Variants in RAD51B observed in about 807,000 individuals in gnomAD.
The protein encoded by RAD51B is DNA repair protein RAD51 homolog 2.
A neutral mutation model predicts 42.2 loss-of-function variants in RAD51B; 38 were observed. That is an observed-to-expected ratio of 0.90 (90% CI 0.70 to 1.18). The LOEUF is 1.18. Ranked by LOEUF, RAD51B falls within the 50% of genes most tolerant of loss-of-function variation. RAD51B has a pLI of 0.00. For synonymous variants in RAD51B, 154 were observed against 145.2 expected (o/e 1.06, Z -0.43); for missense variants, 373 against 400.7 (o/e 0.93, Z 0.59).
chr14:68,471,781 A>G (rs1437781152), intron 10 of RAD51B, among the ~76,000 whole-genome samples: 2 of 151,702 alleles, frequency 1.3e-5, no homozygotes, highest in Admixed American at 1.3e-4. Flanking sequence ...GGCCATTAAC[A>G]TGGTAATACC....
chr14:68,273,874 G>A (rs954881263), intron 7 of RAD51B, among the ~76,000 whole-genome samples: 1 of 151,938 alleles, frequency 6.6e-6, no homozygotes, highest in Non-Finnish European at 1.5e-5. Context: ...AAATTTTTTA[G>A]CTGACAGACT....
chr14:68,336,012 G>T (rs1009650315), intron 8 of RAD51B, among the ~76,000 whole-genome samples: 2 of 152,172 alleles, frequency 1.3e-5, no homozygotes, highest in African/African-American at 4.8e-5. Flanking sequence ...ACTTCCAGCT[G>T]TTTTATCTTG....
At chr14:68,139,993 A>G (rs991548783) in intron 7 of RAD51B, among the ~76,000 whole-genome samples, 1 of 152,110 alleles carries the variant, frequency 6.6e-6, no homozygotes, top group Non-Finnish European at 1.5e-5. Flanking sequence ...CTTCCTGCTA[A>G]TTTGGGGAGC....
intron 7 of RAD51B, among the ~76,000 whole-genome samples, chr14:67,972,009 G>A (rs1364690471): frequency 1.3e-5 from 2 of 149,864 alleles, no homozygotes; most frequent in Admixed American, 6.7e-5. Context: ...TTTTGTGGGG[G>A]CACAAAAATA....
At chr14:68,279,083 T>C (rs1347333086) in intron 7 of RAD51B, among the ~76,000 whole-genome samples, 1 of 152,178 alleles carries the variant, frequency 6.6e-6, no homozygotes, top group Admixed American at 6.5e-5. Context: ...CCCTTTAATT[T>C]TGCAATAAAC....
intron 8 of RAD51B, among the ~76,000 whole-genome samples, chr14:68,332,459 G>A (rs932203646): frequency 1.3e-5 from 2 of 152,200 alleles, no homozygotes; most frequent in Non-Finnish European, 2.9e-5. Flanking sequence ...AGGAGAATAA[G>A]CTCCCTTTCA....
At chr14:68,256,482 G>T (rs1237285437) in intron 7 of RAD51B, among the ~76,000 whole-genome samples, 1 of 152,074 alleles carries the variant, frequency 6.6e-6, no homozygotes, top group Non-Finnish European at 1.5e-5. Context: ...TGGCTTTTAG[G>T]TCCTTCCATG....
At chr14:67,909,424 C>G (rs1383358399) in intron 7 of RAD51B, among the ~76,000 whole-genome samples, 2 of 152,146 alleles carry the variant, frequency 1.3e-5, no homozygotes, top group Non-Finnish European at 2.9e-5. Flanking sequence ...TTTGGAGGAA[C>G]AATTTGACAA....
chr14:68,648,207 C>T (rs747330437), intron 10 of RAD51B, among the ~76,000 whole-genome samples: 3 of 144,704 alleles, frequency 2.1e-5, no homozygotes, highest in East Asian at 4.2e-4. Context: ...AATTCGAACC[C>T]GCATGTGTGT....
chr14:68,221,404 G>A (rs1029403685), intron 7 of RAD51B, among the ~76,000 whole-genome samples: 2 of 152,086 alleles, frequency 1.3e-5, no homozygotes, highest in African/African-American at 2.4e-5. Flanking sequence ...ACAGCCAACC[G>A]ATCTTTGACA....
intron 7 of RAD51B, among the ~76,000 whole-genome samples, chr14:68,221,486 A>C (rs1373326625): frequency 6.6e-6 from 1 of 152,248 alleles, no homozygotes; most frequent in African/African-American, 2.4e-5. Flanking sequence ...TTGGCAAGCC[A>C]CATGTAGGAG....
chr14:67,873,064 G>T (rs1468944496), intron 5 of RAD51B, among the ~76,000 whole-genome samples: 1 of 152,138 alleles, frequency 6.6e-6, no homozygotes, highest in East Asian at 1.9e-4. Flanking sequence ...TAAAGCAATG[G>T]CAACAAAAGC....
chr14:67,908,715 T>C (rs975517724), intron 7 of RAD51B: 1 of 152,092 alleles, frequency 6.6e-6, no homozygotes, highest in Non-Finnish European at 1.5e-5. Context: ...ATTTAGTTAT[T>C]AAACAAATTT....
chr14:68,600,058 T>TC (rs1566950705), downstream of RAD51B, among the ~76,000 whole-genome samples: 1 of 152,082 alleles, frequency 6.6e-6, no homozygotes, highest in East Asian at 1.9e-4. Context: ...CTATACCCTG[T>TC]CCCCCTACAG....
intron 9 of RAD51B, among the ~76,000 whole-genome samples, chr14:68,428,877 G>T (rs1407899368): frequency 2.7e-5 from 4 of 150,816 alleles, no homozygotes; most frequent in Non-Finnish European, 4.4e-5. Context: ...TTTACATTAG[G>T]TATATCTCCT....
rs1594893314 is a variant in RAD51B, at chr14:68,477,688, G to A, written c.*24G>A. On this transcript the variant is annotated 3_prime_UTR_variant, in exon 11 of 11. Coordinates refer to ENST00000471583, the MANE Select transcript of RAD51B (RefSeq NM_133510.4). Reference sequence around the variant, plus strand: ...AGGGATACTGTGACCTTTGTCTAGAGTTGATGGGGGTGTGATTTGTGAAAT... The same window carrying A: ...AGGGATACTGTGACCTTTGTCTAGAATTGATGGGGGTGTGATTTGTGAAAT... 1 of 1,610,042 alleles carries A rather than the reference G, an allele frequency of 6.2e-7. No homozygotes were observed. Among genetic ancestry groups the A allele is most frequent in the South Asian group, 1.1e-5 (1 of 90,552 alleles).
Position 68,019,262 on chromosome 14 carries a change from G to A in RAD51B, c.756+132058G>A, listed in dbSNP as rs995424243. Among the ~76,000 whole-genome samples the A allele has an allele frequency of 2.0e-5, 3 of 152,152 alleles. No individual in the cohort carries two copies. The East Asian group carries it at 5.8e-4, about 29-fold the overall frequency. On this transcript the variant is annotated intron_variant, in intron 7 of 10. Coordinates refer to ENST00000471583, the MANE Select transcript of RAD51B (RefSeq NM_133510.4). ...ACAAAACCTACAGAGTACCGCTGCA[G>A]TGGAGAAAAGAAGTTTCAGAATGCT... is the stretch of plus-strand genomic sequence containing the variant.
chr14:68,410,744 A>C (rs1316804799), intron 8 of RAD51B, among the ~76,000 whole-genome samples: 1 of 152,214 alleles, frequency 6.6e-6, no homozygotes, highest in African/African-American at 2.4e-5. Flanking sequence ...GATATCAAGA[A>C]GGGTCAGTAA....
downstream of RAD51B, chr14:68,596,165 T>TA: frequency 2.4e-6 from 1 of 410,614 alleles, no homozygotes; most frequent in East Asian, 1.6e-4. Flanking sequence ...GAATATCTGA[T>TA]ATCCTAAACA....
Sources: allele counts gnomAD v4.1 joint callset (sites outside exome capture counted in the v4.1 genomes callset), GRCh38; gene constraint gnomAD v4.1.1; transcripts MANE v1.5; gene names NCBI Gene and HGNC (gene_info 2026-07-23, HGNC 2026-07-21).